ZNF324B: variants seen among roughly 807,000 people sequenced by gnomAD.
ZNF324B encodes zinc finger protein 324B.
In ZNF324B, 7 loss-of-function variants were observed where a neutral mutation model predicts 10.6. The observed-to-expected ratio is 0.66, with a 90% CI of 0.38 to 1.24. The LOEUF is 1.24. Ranked by LOEUF, ZNF324B falls within the 50% of genes most tolerant of loss-of-function variation. ZNF324B has a pLI of 0.02. For missense variants in ZNF324B, 640 were observed against 764.7 expected, an observed-to-expected ratio of 0.84 and a Z score of 1.92; for synonymous variants, 316 against 321.0, an observed-to-expected ratio of 0.98 and a Z score of 0.17.
At chr19:58,433,685 T>C in the ZNF324B span, 20 of 1,610,150 alleles carry the variant, frequency 1.2e-5, no homozygotes, top group South Asian at 3.3e-5. Flanking sequence ...TGATGCTTAA[T>C]GAGAATGGAG....
chr19:58,437,851 A>G, the ZNF324B span: 2 of 950,636 alleles, frequency 2.1e-6, no homozygotes, highest in African/African-American at 3.5e-5. Flanking sequence ...TCCTTCAACC[A>G]TCAGCTGCCC....
chr19:58,455,398 C>T lies in ZNF324B; in HGVS notation c.454C>T (p.Arg152Cys). 4 of 1,614,198 alleles carry T rather than the reference C, an allele frequency of 2.5e-6. No individual in the cohort carries two copies. The highest frequency in any genetic ancestry group is 2.5e-6 in the Non-Finnish European group (3 of 1,180,016). ...CTGGGAGAGGCTCCTGCTAGGCTCG[C>T]GCAGTGACCAGGCCAGCATCAGCCT... ...IYWERLLLGS[R>C]SDQASISLRL... Residue 152 changes from arginine (R) to cysteine (C), a missense_variant, in exon 4 of 4, where the codon CGC (arginine) becomes TGC (cysteine). Physicochemically the swap from Arg to Cys is radical, Grantham distance 180 (BLOSUM62 -3). Coordinates refer to ENST00000336614, the MANE Select transcript of ZNF324B (RefSeq NM_207395.3). This position sits in a 1 kb window ranked among gnomAD's most constrained non-coding sequence, Gnocchi z 7.0.
chr19:58,448,718 C>T (rs2052838211), upstream of ZNF324B, among the ~76,000 whole-genome samples: 1 of 151,968 alleles, frequency 6.6e-6, no homozygotes, highest in African/African-American at 2.4e-5. Context: ...CAGAGCAAGA[C>T]TCCATCTCAA....
the ZNF324B span, among the ~76,000 whole-genome samples, chr19:58,421,161 T>TA: frequency 6.6e-6 from 1 of 152,084 alleles, no homozygotes; most frequent in Admixed American, 6.6e-5. Flanking sequence ...GGGCCTGTCT[T>TA]ACGGGGAAGT....
intron 1 of ZNF324B, 24 bp from the exon 2 acceptor site, chr19:58,453,672 A>G (rs2052884098): frequency 6.2e-7 from 1 of 1,613,828 alleles, no homozygotes; most frequent in South Asian, 1.1e-5. Flanking sequence ...GACCATGCCT[A>G]CCTCCACCTC....
the ZNF324B span, chr19:58,433,553 C>A: frequency 1.9e-6 from 3 of 1,614,044 alleles, no homozygotes; most frequent in African/African-American, 4.0e-5. Context: ...CTCCCACATT[C>A]ACTGCATTCG....
At chr19:58,420,242 C>G in the ZNF324B span, among the ~76,000 whole-genome samples, 1 of 152,066 alleles carries the variant, frequency 6.6e-6, no homozygotes, top group Non-Finnish European at 1.5e-5. Context: ...CATGGTGAAA[C>G]CCCGTCTCTA....
At chr19:58,434,952 G>A in the ZNF324B span, 1 of 1,614,046 alleles carries the variant, frequency 6.2e-7, no homozygotes, top group Non-Finnish European at 8.5e-7. Flanking sequence ...TCCCTCCACT[G>A]TGCTCCTTCT....
At chr19:58,420,474 A>G in the ZNF324B span, among the ~76,000 whole-genome samples, 14 of 151,826 alleles carry the variant, frequency 9.2e-5, no homozygotes, top group Non-Finnish European at 1.9e-4. Context: ...CATGCCTGTA[A>G]TGCCAGCACT....
At chr19:58,420,753 G>C in the ZNF324B span, among the ~76,000 whole-genome samples, 3 of 151,500 alleles carry the variant, frequency 2.0e-5, no homozygotes, top group African/African-American at 7.3e-5. Flanking sequence ...TGTTGTCCAG[G>C]CTGGAGTGCA....
In ZNF324B at chr19:58,455,839, C is replaced by T; in HGVS notation, c.895C>T (p.His299Tyr). ...QCGKAFSQTS[H>Y]LTQHQRIHSG... ...CGGCAAGGCCTTCAGCCAGACGTCG[C>T]ACTTGACGCAGCACCAGCGCATCCA... The change falls in exon 4 of 4, where the codon CAC (histidine) becomes TAC (tyrosine). Residue 299 changes from histidine (H) to tyrosine (Y), a missense_variant. Physicochemically the swap from His to Tyr is moderately conservative, Grantham distance 83. This residue lies in a region of ZNF324B where 57 missense variants were observed against 118.8 expected (regional missense o/e 0.48). Coordinates refer to ENST00000336614, the MANE Select transcript of ZNF324B (RefSeq NM_207395.3). This position sits in a 1 kb window ranked among gnomAD's most constrained non-coding sequence, Gnocchi z 7.0. The T allele has an allele frequency of 6.2e-7, 1 of 1,613,742 alleles. No homozygotes were observed. The highest frequency in any genetic ancestry group is 8.5e-7 in the Non-Finnish European group (1 of 1,179,918).
intron 1 of ZNF324B, chr19:58,452,639 G>C (rs1275283174): frequency 1.1e-6 from 1 of 934,062 alleles, no homozygotes; most frequent in East Asian, 1.2e-4. Context: ...GTTTCCTTCA[G>C]GGGAAAGATC....
the ZNF324B span, chr19:58,433,083 A>G: frequency 2.9e-5 from 14 of 478,252 alleles, no homozygotes; most frequent in Non-Finnish European, 4.5e-5. Flanking sequence ...GCATGAGGAC[A>G]GGACTGCTGC....
At chr19:58,451,983 A>G in intron 1 of ZNF324B, 2 of 234,278 alleles carry the variant, frequency 8.5e-6, no homozygotes, top group South Asian at 8.2e-5. Flanking sequence ...GGCGCTGACA[A>G]GCCCGCGCCG....
chr19:58,439,390 A>T, the ZNF324B span, among the ~76,000 whole-genome samples: 1 of 152,196 alleles, frequency 6.6e-6, no homozygotes, highest in Non-Finnish European at 1.5e-5. Context: ...CCAGCTCCTC[A>T]GGCTGCCATT....
At chr19:58,451,611 G>A (rs2052857083), upstream of ZNF324B, 1 of 517,452 alleles carries the variant, frequency 1.9e-6, no homozygotes, top group Non-Finnish European at 3.9e-6. Context: ...TGGACTTCCG[G>A]CGTTGGGACT....
chr19:58,456,720 G>A lies in ZNF324B; in HGVS notation c.*141G>A, dbSNP rs2052926852. 1.3e-5 allele frequency: 14 copies of A among 1,119,878 alleles called. No homozygotes were observed. Among genetic ancestry groups the A allele is most frequent in the Non-Finnish European group, 1.7e-5 (14 of 806,232 alleles). 69.4% of individuals were successfully genotyped at this position (1,119,878 alleles called of 1,614,324 possible). A position where few individuals can be genotyped will look rare whatever the true frequency, so the allele number is the denominator to read the frequency against. The stretch of plus-strand genomic sequence containing the variant: ...GGACGAGGGAGACCCTTTGGCTGTG[G>A]TTCCATTTGCAGGTGGGGACAGGAT... On this transcript the variant is annotated 3_prime_UTR_variant, in exon 4 of 4. Coordinates refer to ENST00000336614, the MANE Select transcript of ZNF324B (RefSeq NM_207395.3). The surrounding 1 kb of genome is among the most constrained non-coding windows in gnomAD (Gnocchi z 4.7).
chr19:58,433,180 G>T, the ZNF324B span: 1 of 850,616 alleles, frequency 1.2e-6, no homozygotes, highest in Non-Finnish European at 1.8e-6. Context: ...AGGTTCCTGG[G>T]CTGGTCAGAA....
At chr19:58,430,122 AG>A in the ZNF324B span, 1 of 152,204 alleles carries the variant, frequency 6.6e-6, no homozygotes, top group African/African-American at 2.4e-5. Context: ...CATTTTGGAG[AG>A]GCCCATGTGG....
Sources: gnomAD v4.1 joint callset for allele counts (sites outside exome capture counted in the v4.1 genomes callset) on GRCh38, gnomAD v4.1.1 for gene constraint, gnomAD v4.1.1 regional missense constraint, Gnocchi (gnomAD v3.1) non-coding constraint, MANE v1.5 for transcripts, NCBI Gene and HGNC (gene_info 2026-07-23, HGNC 2026-07-21) for gene names.